Variants in PTPRO observed in about 807,000 individuals in gnomAD.
PTPRO encodes protein tyrosine phosphatase receptor type O, also known as receptor-type tyrosine-protein phosphatase O.
PTPRO carries 62 observed loss-of-function variants against 145.2 expected under a neutral mutation model. The observed-to-expected ratio is 0.43, with a 90% CI of 0.35 to 0.53. PTPRO has a LOEUF of 0.53. PTPRO is among the 20% of genes least tolerant of loss of function. The probability of loss-of-function intolerance (pLI) is 0.01; values close to 1 mark genes in which losing one functional copy is unlikely to be tolerated. For missense variants in PTPRO, 1,345 were observed against 1,482.7 expected (o/e 0.91, Z 1.53); for synonymous variants, 565 against 514.7 (o/e 1.10, Z -1.32).
intron 1 of PTPRO, among the ~76,000 whole-genome samples, chr12:15,368,894 T>G (rs1274856167): frequency 1.3e-5 from 2 of 152,186 alleles, no homozygotes; most frequent in Non-Finnish European, 2.9e-5. Context: ...AAAGGATGCT[T>G]GCTGCAGGGG....
In PTPRO at chr12:15,560,249, A is replaced by G; in HGVS notation, c.2684A>G (p.Tyr895Cys). Reference sequence around the variant, plus strand: ...CTACCCTCATGTCTTTGGACTGATTATCTTTTGGCATTTTATATTAATCCT... The same window carrying G: ...CTACCCTCATGTCTTTGGACTGATTGTCTTTTGGCATTTTATATTAATCCT... ...TLLPSCLWTD[Y>C]LLAFYINPWS... Residue 895 changes from tyrosine to cysteine, a missense_variant, in exon 17 of 27, where the codon TAT becomes TGT. By Grantham distance (194) the Tyr-to-Cys change is radical. Coordinates refer to ENST00000281171, the MANE Select transcript of PTPRO (RefSeq NM_030667.3). 6.3e-7 allele frequency: 1 copy of G among 1,589,546 alleles called. No individual in the cohort carries two copies. The highest frequency in any genetic ancestry group is 2.2e-5 in the East Asian group (1 of 44,638).
intron 13 of PTPRO, among the ~76,000 whole-genome samples, chr12:15,547,290 A>G (rs1329806550): frequency 1.3e-5 from 2 of 152,238 alleles, no homozygotes; most frequent in Admixed American, 1.3e-4. Flanking sequence ...AATGGCAGAT[A>G]CGATAAACAG....
chr12:15,587,489 T>A (rs537200997), intron 24 of PTPRO, among the ~76,000 whole-genome samples: 26 of 152,248 alleles, frequency 1.7e-4, no homozygotes, highest in Admixed American at 3.9e-4. Context: ...TGACATAATA[T>A]AAATAGGCAT....
At chr12:15,467,384 C>T (rs1941439208) in intron 1 of PTPRO, among the ~76,000 whole-genome samples, 1 of 149,832 alleles carries the variant, frequency 6.7e-6, no homozygotes, top group Non-Finnish European at 1.5e-5. Flanking sequence ...TGCTCTCCTG[C>T]TTTTATGGTA....
intron 14 of PTPRO, among the ~76,000 whole-genome samples, chr12:15,550,894 C>T (rs570628273): frequency 4.1e-4 from 63 of 152,262 alleles, no homozygotes; most frequent in African/African-American, 1.0e-3. Flanking sequence ...GTAAGTGCCA[C>T]AGGAGACAAG....
chr12:15,471,748 TG>T (rs1279806050), intron 1 of PTPRO, among the ~76,000 whole-genome samples: 11 of 152,168 alleles, frequency 7.2e-5, no homozygotes, highest in Non-Finnish European at 1.3e-4. Flanking sequence ...GATGCATGCT[TG>T]TTGCCCAAAA....
At chr12:15,451,369 T>A (rs1941042231) in intron 1 of PTPRO, among the ~76,000 whole-genome samples, 2 of 151,922 alleles carry the variant, frequency 1.3e-5, no homozygotes, top group South Asian at 4.2e-4. Flanking sequence ...ACCTAAGAAA[T>A]GAGATAGACA....
At chr12:15,535,837 T>C (rs530946657) in intron 12 of PTPRO, among the ~76,000 whole-genome samples, 1 of 152,338 alleles carries the variant, frequency 6.6e-6, no homozygotes, top group African/African-American at 2.4e-5. Context: ...TTCTTAATCT[T>C]ACTCATACAA....
intron 1 of PTPRO, among the ~76,000 whole-genome samples, chr12:15,387,012 A>C (rs905582076): frequency 5.3e-5 from 8 of 152,224 alleles, no homozygotes; most frequent in African/African-American, 1.9e-4. Context: ...GACTGGCTTA[A>C]GTATCTGTCA....
At chr12:15,325,006 T>A (rs1435008371) in intron 1 of PTPRO, among the ~76,000 whole-genome samples, 3 of 152,192 alleles carry the variant, frequency 2.0e-5, no homozygotes, top group Admixed American at 2.0e-4. Flanking sequence ...GAGAAAAAAT[T>A]CATTATTAAA....
chr12:15,339,798 T>C (rs747857527), intron 1 of PTPRO, among the ~76,000 whole-genome samples: 17 of 152,226 alleles, frequency 1.1e-4, no homozygotes, highest in Non-Finnish European at 2.2e-4. Context: ...CATATATATA[T>C]GCTCCCATAC....
chr12:15,376,692 T>C (rs747360165), intron 1 of PTPRO, among the ~76,000 whole-genome samples: 2 of 152,146 alleles, frequency 1.3e-5, no homozygotes, highest in Non-Finnish European at 2.9e-5. Flanking sequence ...TCCCACTTAC[T>C]AGTTTATAGA....
chr12:15,413,500 A>C (rs1939859686), intron 1 of PTPRO, among the ~76,000 whole-genome samples: 1 of 152,172 alleles, frequency 6.6e-6, no homozygotes, highest in South Asian at 2.1e-4. Flanking sequence ...CTTTAAGATC[A>C]AAAAAAGATT....
chr12:15,534,023 A>G (rs1943018814), intron 12 of PTPRO, among the ~76,000 whole-genome samples: 1 of 152,168 alleles, frequency 6.6e-6, no homozygotes, highest in Non-Finnish European at 1.5e-5. Flanking sequence ...AGTTGCCAAT[A>G]ATTCTCAACA....
At chr12:15,462,087 T>C (rs1217031833) in intron 1 of PTPRO, among the ~76,000 whole-genome samples, 4 of 152,114 alleles carry the variant, frequency 2.6e-5, no homozygotes, top group Admixed American at 2.0e-4. Flanking sequence ...GCCTGAAATA[T>C]ACCACACACA....
chr12:15,385,213 AGTGT>A (rs1207826383), intron 1 of PTPRO, among the ~76,000 whole-genome samples: 4 of 152,204 alleles, frequency 2.6e-5, no homozygotes, highest in Non-Finnish European at 4.4e-5. Flanking sequence ...CCAGATACAA[AGTGT>A]GTTAAATGTA....
intron 1 of PTPRO, among the ~76,000 whole-genome samples, chr12:15,389,329 G>C (rs899497551): frequency 1.3e-5 from 2 of 151,868 alleles, no homozygotes; most frequent in Non-Finnish European, 2.9e-5. Flanking sequence ...GGATGGTCTC[G>C]ATCTCCTTAC....
chr12:15,442,059 G>C (rs1940782466), intron 1 of PTPRO, among the ~76,000 whole-genome samples: 1 of 151,906 alleles, frequency 6.6e-6, no homozygotes, highest in Non-Finnish European at 1.5e-5. Context: ...AAAGAAAATT[G>C]CAGGCCAACA....
chr12:15,556,819 A>T (rs899643022), intron 15 of PTPRO, among the ~76,000 whole-genome samples: 13 of 152,286 alleles, frequency 8.5e-5, no homozygotes, highest in Middle Eastern at 3.4e-3. Context: ...AAGGCTTTGT[A>T]AAAAAATAAA....
Sources: gnomAD v4.1 joint callset for allele counts (sites outside exome capture counted in the v4.1 genomes callset) on GRCh38, gnomAD v4.1.1 for gene constraint, MANE v1.5 for transcripts, NCBI Gene and HGNC (gene_info 2026-07-23, HGNC 2026-07-21) for gene names.